The following DNAI7 variants were observed in gnomAD, a reference collection of about 807,000 sequenced individuals.
The protein encoded by DNAI7 is dynein axonemal intermediate chain 7, also known as cancer susceptibility 1.
Under a neutral mutation model 86.6 loss-of-function variants are expected in DNAI7, and 78 were observed. The observed-to-expected ratio is 0.90, with a 90% CI of 0.75 to 1.09. The LOEUF (loss-of-function observed/expected upper bound fraction) is 1.09, where lower values mean the gene tolerates loss of function less well. Among genes scored for constraint, DNAI7 ranks in the 50% least tolerant of loss-of-function variants. The probability of loss-of-function intolerance (pLI) is 0.00; values close to 1 mark genes in which losing one functional copy is unlikely to be tolerated. For missense variants in DNAI7, 753 were observed against 810.2 expected (o/e 0.93, Z 0.86); for synonymous variants, 274 against 273.0 (o/e 1.00, Z -0.04).
intron 9 of DNAI7, among the ~76,000 whole-genome samples, chr12:25,127,207 A>G (rs1258562777): frequency 6.6e-6 from 1 of 152,238 alleles, no homozygotes; most frequent in Non-Finnish European, 1.5e-5. Flanking sequence ...TGTAATTGCA[A>G]CAGTGTCATC....
chr12:25,190,876 T>C (rs1010360174), intron 1 of DNAI7, among the ~76,000 whole-genome samples: 1 of 152,194 alleles, frequency 6.6e-6, no homozygotes, highest in African/African-American at 2.4e-5. Flanking sequence ...CTGAACCATT[T>C]TTTTGTATGT....
intron 8 of DNAI7, among the ~76,000 whole-genome samples, chr12:25,146,442 C>CA (rs952888630): frequency 2.5e-4 from 38 of 150,376 alleles, no homozygotes; most frequent in Middle Eastern, 3.5e-3. Flanking sequence ...ACTAAAAATA[C>CA]AAAAAAATTA....
chr12:25,162,054 G>C (rs1592533249), intron 2 of DNAI7, among the ~76,000 whole-genome samples: 2 of 152,246 alleles, frequency 1.3e-5, no homozygotes, highest in East Asian at 3.9e-4. Context: ...AGTGTTTATA[G>C]AATAGATGGC....
intron 1 of DNAI7, among the ~76,000 whole-genome samples, chr12:25,191,636 G>A (rs748933232): frequency 1.3e-5 from 2 of 152,140 alleles, no homozygotes; most frequent in African/African-American, 2.4e-5. Flanking sequence ...CCTGGGAGGC[G>A]GAGCTGCAGT....
At chr12:25,127,023 G>GAA (rs1942230275) in intron 9 of DNAI7, among the ~76,000 whole-genome samples, 1 of 152,078 alleles carries the variant, frequency 6.6e-6, no homozygotes, top group Non-Finnish European at 1.5e-5. Flanking sequence ...TCATAAAGAG[G>GAA]ATATTCTTGC....
At chr12:25,185,397 AT>A (rs1242941464) in intron 2 of DNAI7, among the ~76,000 whole-genome samples, 13 of 152,198 alleles carry the variant, frequency 8.5e-5, no homozygotes, top group Non-Finnish European at 1.3e-4. Flanking sequence ...ATTTCTGATA[AT>A]TTTTTTATCA....
At chr12:25,111,218 A>C (rs190683112) in intron 14 of DNAI7, among the ~76,000 whole-genome samples, 1 of 152,350 alleles carries the variant, frequency 6.6e-6, no homozygotes, top group Admixed American at 6.5e-5. Context: ...ATATTCTAGG[A>C]CTATGCTAGA....
chr12:25,136,536 A>T (rs916253420), intron 9 of DNAI7, among the ~76,000 whole-genome samples: 4 of 152,244 alleles, frequency 2.6e-5, no homozygotes, highest in African/African-American at 9.6e-5. Context: ...CTAGCTCATC[A>T]GCAGTAGATC....
chr12:25,140,971 C>T (rs942753057), intron 9 of DNAI7, among the ~76,000 whole-genome samples: 5 of 152,142 alleles, frequency 3.3e-5, no homozygotes, highest in South Asian at 2.1e-4. Flanking sequence ...AAAGGACACC[C>T]GATTCAACAA....
Position 25,108,824 on chromosome 12 carries a change from C to CAAAAAAAAAAA in DNAI7, c.1894-2_1894-1insTTTTTTTTTTT. The CAAAAAAAAAAA allele has an allele frequency of 1.1e-4, 12 of 113,568 alleles. 1 individual carries two copies. The highest frequency in any genetic ancestry group is 5.2e-4 in the South Asian group (1 of 1,918). 7.0% of individuals were successfully genotyped at this position (113,568 alleles called of 1,614,324 possible). A position where few individuals can be genotyped will look rare whatever the true frequency, so the allele number is the denominator to read the frequency against. The stretch of plus-strand genomic sequence containing the variant: ...ATGCTTCAGTAAGGTGTTCCCTCAC[C>CAAAAAAAAAAA]TAAAAAAAAAAAAAATTCAAGCAAG... On this transcript the variant is annotated splice_acceptor_variant, in intron 15 of 15. Coordinates refer to ENST00000395987, the MANE Select transcript of DNAI7 (RefSeq NM_018272.5). LOFTEE classifies it high-confidence loss of function.
At chr12:25,134,034 G>T (rs989817410) in intron 9 of DNAI7, among the ~76,000 whole-genome samples, 4 of 152,104 alleles carry the variant, frequency 2.6e-5, no homozygotes, top group African/African-American at 9.7e-5. Context: ...CCGCTCTCTT[G>T]CCTAGGCTTG....
intron 8 of DNAI7, among the ~76,000 whole-genome samples, chr12:25,145,395 G>A (rs939532347): frequency 6.6e-6 from 1 of 152,066 alleles, no homozygotes; most frequent in African/African-American, 2.4e-5. Context: ...TGTTCTGCCT[G>A]CACTATTCCT....
At chr12:25,131,586 AG>A (rs1363867265) in intron 9 of DNAI7, among the ~76,000 whole-genome samples, 2 of 152,190 alleles carry the variant, frequency 1.3e-5, no homozygotes, top group Admixed American at 6.5e-5. Context: ...GAGAGTCCCA[AG>A]AATCCCCAGT....
chr12:25,108,860 T>G, intron 15 of DNAI7, 37 bp from the exon 16 acceptor site: 13 of 866,266 alleles, frequency 1.5e-5, no homozygotes, highest in East Asian at 4.2e-5. Context: ...TTGTTAATAA[T>G]TCCTCTTCTA....
chr12:25,110,269 T>A, intron 14 of DNAI7, 29 bp from the exon 15 acceptor site: 1 of 1,254,950 alleles, frequency 8.0e-7, no homozygotes, highest in Non-Finnish European at 1.2e-6. Context: ...ATAGAATTGA[T>A]CTTTGAGCCT....
chr12:25,192,174 T>A (rs1950586409), intron 1 of DNAI7, among the ~76,000 whole-genome samples: 1 of 152,250 alleles, frequency 6.6e-6, no homozygotes, highest in Admixed American at 6.5e-5. Flanking sequence ...TCTATTTTTA[T>A]CATAGCTTCT....
rs12827815 is a variant in DNAI7 at position 25,164,896 on chromosome 12, C to T, written c.22-3699G>A. ...TTTTATCACCTCCCCTCCTCACACCCGGTCCGGCTTAGTTTCGTTCCGCGA... is the reference window on the plus strand; with the variant it reads ...TTTTATCACCTCCCCTCCTCACACCTGGTCCGGCTTAGTTTCGTTCCGCGA... On this transcript the variant is annotated intron_variant, in intron 2 of 15. Transcript: ENST00000395987. Among the ~76,000 whole-genome samples the T allele has an allele frequency of 1.6e-3, 5 of 3,080 alleles. No homozygotes were observed. The South Asian group carries it at 0.044, about 27-fold the overall frequency. The allele number at this position is 3,080 out of a possible 152,430, so 2.0% of individuals were successfully genotyped here. A position where few individuals can be genotyped will look rare whatever the true frequency, so the allele number is the denominator to read the frequency against.
At chr12:25,174,725 CATATATATATGGAATATATATATCAT>C (rs1948763912) in intron 2 of DNAI7, among the ~76,000 whole-genome samples, 1 of 79,074 alleles carries the variant, frequency 1.3e-5, no homozygotes. Context: ...ATATATATAT[CATATATATATGGAATATATATATCAT>C]ATATATATAT....
At chr12:25,132,288 C>G (rs1387992246) in intron 9 of DNAI7, among the ~76,000 whole-genome samples, 1 of 152,086 alleles carries the variant, frequency 6.6e-6, no homozygotes, top group Non-Finnish European at 1.5e-5. Flanking sequence ...GTTCTTTCCC[C>G]CACCACCAAA....
Sources: gnomAD v4.1 joint callset for allele counts (sites outside exome capture counted in the v4.1 genomes callset) on GRCh38, gnomAD v4.1.1 for gene constraint, MANE v1.5 for transcripts, NCBI Gene and HGNC (gene_info 2026-07-23, HGNC 2026-07-21) for gene names.